RAP1GAP2: variants seen among roughly 807,000 people sequenced by gnomAD.
RAP1GAP2 encodes the protein rap1 GTPase-activating protein 2.
Under a neutral mutation model 95.0 loss-of-function variants are expected in RAP1GAP2, and 27 were observed. The observed-to-expected ratio is 0.28, with a 90% CI of 0.21 to 0.39. RAP1GAP2 has a LOEUF of 0.39. Ranked by LOEUF, RAP1GAP2 falls within the 10% of genes least tolerant of loss-of-function variation. The probability of loss-of-function intolerance (pLI) is 1.00; values close to 1 mark genes in which losing one functional copy is unlikely to be tolerated. For missense variants in RAP1GAP2, 771 were observed against 970.0 expected, an observed-to-expected ratio of 0.79 and a Z score of 2.72; for synonymous variants, 373 against 380.9, an observed-to-expected ratio of 0.98 and a Z score of 0.24.
chr17:3,023,502 C>T (rs1236082167), intron 19 of RAP1GAP2, among the ~76,000 whole-genome samples: 1 of 152,142 alleles, frequency 6.6e-6, no homozygotes, highest in Non-Finnish European at 1.5e-5. Flanking sequence ...GTAGGGCTTG[C>T]AGGACAAGAG....
intron 2 of RAP1GAP2, among the ~76,000 whole-genome samples, chr17:2,806,826 G>T (rs1424068952): frequency 1.3e-5 from 2 of 151,932 alleles, no homozygotes; most frequent in Admixed American, 1.3e-4. Flanking sequence ...TGATCCTCCT[G>T]CCTCAGGACC....
intron 2 of RAP1GAP2, among the ~76,000 whole-genome samples, chr17:2,804,862 G>A (rs1439651690): frequency 6.6e-6 from 1 of 152,200 alleles, no homozygotes; most frequent in South Asian, 2.1e-4. Context: ...ACCTCTCTGG[G>A]TCAGTTTCCC....
chr17:2,769,582 TAAATAAAATA>T (rs536530028), intron 1 of RAP1GAP2, among the ~76,000 whole-genome samples: 19 of 150,852 alleles, frequency 1.3e-4, no homozygotes, highest in East Asian at 3.9e-4. Context: ...TGAAATAACA[TAAATAAAATA>T]AAATAAAATA....
Position 3,009,112 on chromosome 17 carries a change from T to C in RAP1GAP2, c.1494+967T>C, listed in dbSNP as rs147042331. Among the ~76,000 whole-genome samples the C allele has an allele frequency of 4.9e-3, 746 of 152,284 alleles. 6 individuals carry two copies. Among genetic ancestry groups the C allele is most frequent in the South Asian group, 8.1e-3 (39 of 4,820 alleles). On this transcript the variant is annotated intron_variant, in intron 17 of 24. Transcript: ENST00000254695. ...CCCACCTCTATTAAAACCGCAGCTC[T>C]GTGGGATCCTGGGCAGTCTTTCAAG...
At chr17:2,776,694 C>CGCG (rs1052126611), upstream of RAP1GAP2, among the ~76,000 whole-genome samples, 35 of 149,522 alleles carry the variant, frequency 2.3e-4, no homozygotes, top group South Asian at 4.1e-4. Context: ...GCTGCGCGTG[C>CGCG]GCGGCGGCGG....
intron 2 of RAP1GAP2, among the ~76,000 whole-genome samples, chr17:2,898,309 T>C (rs2041907660): frequency 6.6e-6 from 1 of 152,132 alleles, no homozygotes; most frequent in Admixed American, 6.6e-5. Flanking sequence ...GACCCCGAGG[T>C]CAGCCCTGCC....
At chr17:2,836,221 G>A (rs936248377) in intron 2 of RAP1GAP2, among the ~76,000 whole-genome samples, 1 of 151,554 alleles carries the variant, frequency 6.6e-6, no homozygotes, top group Non-Finnish European at 1.5e-5. Context: ...GGTCTACTAT[G>A]TTCACTAACT....
At chr17:2,880,758 A>G (rs745643803) in intron 2 of RAP1GAP2, among the ~76,000 whole-genome samples, 3 of 152,024 alleles carry the variant, frequency 2.0e-5, no homozygotes, top group Non-Finnish European at 4.4e-5. Context: ...ACCAGATTTC[A>G]TATTTTTTTT....
chr17:2,763,700 CA>C (rs1354359334), intron 1 of RAP1GAP2, among the ~76,000 whole-genome samples: 1 of 129,790 alleles, frequency 7.7e-6, no homozygotes, highest in African/African-American at 2.9e-5. Context: ...TGTCTCAAAA[CA>C]AAAAAAGAAT....
chr17:2,997,609 AT>A (rs747483350), intron 13 of RAP1GAP2, among the ~76,000 whole-genome samples: 36 of 146,766 alleles, frequency 2.5e-4, no homozygotes, highest in East Asian at 2.2e-3. Context: ...CATCTTCCCC[AT>A]TTTTTTTTTC....
At chr17:2,959,840 T>C (rs1269528910) in intron 4 of RAP1GAP2, among the ~76,000 whole-genome samples, 1 of 152,122 alleles carries the variant, frequency 6.6e-6, no homozygotes, top group African/African-American at 2.4e-5. Context: ...ATAATACCCA[T>C]TGTGGCCAGT....
chr17:2,918,776 C>T (rs913624300), intron 3 of RAP1GAP2, among the ~76,000 whole-genome samples: 1 of 152,040 alleles, frequency 6.6e-6, no homozygotes, highest in Non-Finnish European at 1.5e-5. Context: ...GGTTACAGTC[C>T]CACGTGAGAT....
chr17:2,794,047 C>CGAGATT (rs2069000684), upstream of RAP1GAP2, among the ~76,000 whole-genome samples: 1 of 146,414 alleles, frequency 6.8e-6, no homozygotes, highest in Non-Finnish European at 1.5e-5. Flanking sequence ...TGCAGTGAGC[C>CGAGATT]GTGCCACTGC....
In RAP1GAP2 at chr17:3,004,439, C is replaced by T. The variant is rs1002446687; in HGVS notation, c.1201-930C>T. 5.9e-5 allele frequency among the ~76,000 whole-genome samples: 9 copies of T among 152,230 alleles called. No homozygotes were observed. Among genetic ancestry groups the T allele is most frequent in the Non-Finnish European group, 1.2e-4 (8 of 68,048 alleles). On this transcript the variant is annotated intron_variant, in intron 14 of 24. Coordinates refer to ENST00000254695, the MANE Select transcript of RAP1GAP2 (RefSeq NM_015085.5). This position sits in a 1 kb window ranked among gnomAD's most constrained non-coding sequence, Gnocchi z 4.1. ...TCACAGGCCGGGGAGGCTGGCAGCA[C>T]GCCAGGGCTGGGCTCACGTCAGCGG...
chr17:2,852,392 C>A (rs927057184), intron 2 of RAP1GAP2, among the ~76,000 whole-genome samples: 2 of 152,038 alleles, frequency 1.3e-5, no homozygotes, highest in Non-Finnish European at 2.9e-5. Context: ...CATAAATAGA[C>A]CAGGTGCATT....
exon 1 of RAP1GAP2, chr17:2,755,705 G>T (rs1009266879): frequency 6.2e-6 from 2 of 321,218 alleles, no homozygotes; most frequent in South Asian, 1.4e-4. Context: ...GGCAGGGAGC[G>T]GCCGGGCGAG....
chr17:2,807,841 A>G (rs2069585629), intron 2 of RAP1GAP2, among the ~76,000 whole-genome samples: 2 of 152,090 alleles, frequency 1.3e-5, no homozygotes, highest in African/African-American at 4.8e-5. Flanking sequence ...GGTGAGCTCG[A>G]GTCTGAGAGC....
chr17:2,987,932 C>T (rs1443213627), intron 11 of RAP1GAP2, among the ~76,000 whole-genome samples: 1 of 152,186 alleles, frequency 6.6e-6, no homozygotes, highest in Non-Finnish European at 1.5e-5. Flanking sequence ...GCAGCCTGTG[C>T]ATGTTTGCAG....
intron 3 of RAP1GAP2, among the ~76,000 whole-genome samples, chr17:2,907,859 T>A (rs1025019385): frequency 1.3e-5 from 2 of 151,992 alleles, no homozygotes; most frequent in African/African-American, 4.8e-5. Context: ...CGAGCCAGAG[T>A]GCAGTGGCGC....
Sources: allele counts gnomAD v4.1 joint callset (sites outside exome capture counted in the v4.1 genomes callset), GRCh38; gene constraint gnomAD v4.1.1; non-coding constraint Gnocchi (gnomAD v3.1); transcripts MANE v1.5; gene names NCBI Gene and HGNC (gene_info 2026-07-23, HGNC 2026-07-21).